The following LAMB1 variants were observed in gnomAD, a reference collection of about 807,000 sequenced individuals.
The protein encoded by LAMB1 is laminin subunit beta-1.
A neutral mutation model predicts 222.3 loss-of-function variants in LAMB1; 121 were observed. That is an observed-to-expected ratio of 0.54 (90% confidence interval 0.47 to 0.63). LAMB1 has a LOEUF of 0.63. Ranked by LOEUF, LAMB1 falls within the 30% of genes least tolerant of loss-of-function variation. The probability of loss-of-function intolerance (pLI) is 0.00; values close to 1 mark genes in which losing one functional copy is unlikely to be tolerated. For missense variants in LAMB1, 2,172 were observed against 2,240.8 expected, an observed-to-expected ratio of 0.97 and a Z score of 0.62; for synonymous variants, 794 against 807.2, an observed-to-expected ratio of 0.98 and a Z score of 0.28.
At chr7:107,973,624 T>C (rs1282543087) in intron 12 of LAMB1, among the ~76,000 whole-genome samples, 1 of 152,154 alleles carries the variant, frequency 6.6e-6, no homozygotes, top group African/African-American at 2.4e-5. Context: ...AAAATGAGTA[T>C]ATAAAAACAG....
At chr7:107,967,760 A>T (rs1199453874) in intron 13 of LAMB1, among the ~76,000 whole-genome samples, 1 of 152,202 alleles carries the variant, frequency 6.6e-6, no homozygotes, top group African/African-American at 2.4e-5. Context: ...AAAGAGAAAT[A>T]GAAAAAAAAA....
Position 107,973,015 on chromosome 7 carries a change from G to A in LAMB1, c.1539C>T (p.Asp513=), listed in dbSNP as rs1584519817. Residue 513 remains aspartate, a synonymous_variant, in exon 13 of 34, where the codon GAC becomes GAT. Coordinates refer to ENST00000222399, the MANE Select transcript of LAMB1 (RefSeq NM_002291.3). ...DLDGCRPCDC[D]LGGALNNSCF... ...ACCTGTTGTTTAAGGCTCCCCCAAG[G>A]TCACAGTCACATGGTCGACATCCAT... The A allele has an allele frequency of 5.0e-6, 8 of 1,613,884 alleles. No homozygotes were observed. The highest frequency in any genetic ancestry group is 6.8e-6 in the Non-Finnish European group (8 of 1,179,792).
chr7:107,986,045 T>A lies in LAMB1; in HGVS notation c.653A>T (p.Asp218Val). ...ACTCTGTATCCTTGGGCTATAAGGA[T>A]CTTCTATTTTGAAAGCAGGATCTAA... is the stretch of plus-strand genomic sequence containing the variant. ...RALDPAFKIEDPYSPRIQNLL... is the reference protein window; with the variant it reads ...RALDPAFKIEVPYSPRIQNLL... Residue 218 changes from aspartate (D) to valine (V), a missense_variant, in exon 7 of 34, where the codon GAT becomes GTT. Transcript: ENST00000222399. The A allele has an allele frequency of 1.2e-6, 2 of 1,611,338 alleles. No homozygotes were observed. Among genetic ancestry groups the A allele is most frequent in the Non-Finnish European group, 1.7e-6 (2 of 1,177,438 alleles).
intron 13 of LAMB1, among the ~76,000 whole-genome samples, chr7:107,970,525 C>T (rs1344633671): frequency 1.4e-5 from 2 of 147,768 alleles, no homozygotes; most frequent in Non-Finnish European, 3.0e-5. Context: ...GGGCTTCAAG[C>T]CAGATATGAA....
At position 107,959,475 on chromosome 7, in the gene LAMB1, C is replaced by A; in HGVS notation, c.2464G>T (p.Glu822Ter). 6.2e-7 allele frequency: 1 copy of A among 1,614,028 alleles called. No individual in the cohort carries two copies. Among genetic ancestry groups the A allele is most frequent in the Non-Finnish European group, 8.5e-7 (1 of 1,179,970 alleles). The change falls in exon 20 of 34, where the codon GAG (glutamate) becomes TAG (stop). Residue 822 changes from glutamate (E) to a stop codon, truncating the protein, a stop_gained. Transcript: ENST00000222399. LOFTEE classifies it high-confidence loss of function. Reference protein sequence around the residue: ...GFGPSGCKPCECHLQGSVNAF... With the variant: ...GFGPSGCKPC ...TTGACAGATCCTTGCAGATGGCACT[C>A]ACAAGCTAAAGAAACAGGCAAACAA...
chr7:107,973,835 G>C (rs1005129322), intron 12 of LAMB1, among the ~76,000 whole-genome samples: 1 of 152,124 alleles, frequency 6.6e-6, no homozygotes, highest in Non-Finnish European at 1.5e-5. Context: ...TTTTAGTAGA[G>C]ATGGCGTTTC....
rs1057093986 is a variant in LAMB1, at chr7:107,985,940, A to G, written c.676+82T>C. ...CCATTGCACTCCAGCCTGGGCAACA[A>G]GAGCGGAACTCTGTCTCAAAAAACA... On this transcript the variant is annotated intron_variant, in intron 7 of 33. Coordinates refer to ENST00000222399, the MANE Select transcript of LAMB1 (RefSeq NM_002291.3). 4 of 1,091,362 alleles carry G rather than the reference A, an allele frequency of 3.7e-6. No individual in the cohort carries two copies. The African/African-American group carries it at 6.3e-5, about 17-fold the overall frequency. 67.6% of individuals were successfully genotyped at this position (1,091,362 alleles called of 1,614,324 possible).
intron 7 of LAMB1, among the ~76,000 whole-genome samples, chr7:107,983,201 G>GA (rs1372050823): frequency 1.3e-5 from 2 of 152,184 alleles, no homozygotes; most frequent in African/African-American, 4.8e-5. Context: ...TTTAAATGGG[G>GA]AAGCAGCATT....
chr7:107,974,878 C>T, intron 12 of LAMB1, 108 bp downstream of exon 12: 3 of 683,680 alleles, frequency 4.4e-6, no homozygotes, highest in Non-Finnish European at 7.9e-6. Context: ...TGTCTTTTAA[C>T]ACGTACACGT....
chr7:107,928,586 C>G (rs957568842), intron 31 of LAMB1, among the ~76,000 whole-genome samples: 1 of 151,910 alleles, frequency 6.6e-6, no homozygotes, highest in South Asian at 2.1e-4. Context: ...TCGACCTCCC[C>G]GGTTCAAGCA....
chr7:108,001,530 A>G (rs372266745), intron 3 of LAMB1, 28 bp downstream of exon 3: 2 of 1,558,096 alleles, frequency 1.3e-6, no homozygotes, highest in Non-Finnish European at 1.7e-6. Context: ...GCGCTAGCAG[A>G]GCCTCGAACC....
chr7:107,974,593 G>T (rs565045363), intron 12 of LAMB1, among the ~76,000 whole-genome samples: 1 of 152,134 alleles, frequency 6.6e-6, no homozygotes, highest in Non-Finnish European at 1.5e-5. Context: ...GGGTTACTGG[G>T]TCAAAGGGTA....
intron 24 of LAMB1, among the ~76,000 whole-genome samples, chr7:107,941,132 C>G (rs969813067): frequency 3.3e-5 from 5 of 152,144 alleles, no homozygotes; most frequent in Non-Finnish European, 7.3e-5. Context: ...GGGTTGGCAC[C>G]TCATGCAAAG....
At position 107,978,171 on chromosome 7, in the gene LAMB1, G is replaced by C; in HGVS notation, c.880-4C>G. The C allele has an allele frequency of 6.2e-7, 1 of 1,613,314 alleles. No homozygotes were observed. Among genetic ancestry groups the C allele is most frequent in the Non-Finnish European group, 8.5e-7 (1 of 1,179,618 alleles). ...TGCACATGCAGTGTCCGTGAACCTT[G>C]AAAGTTATAAAAACAGGAGAGAACA... On this transcript the variant is annotated splice_polypyrimidine_tract_variant and splice_region_variant and intron_variant, in intron 8 of 33. Coordinates refer to ENST00000222399, the MANE Select transcript of LAMB1 (RefSeq NM_002291.3).
At chr7:108,002,266 C>A (rs1345220430) in intron 2 of LAMB1, 1 of 1,310,242 alleles carries the variant, frequency 7.6e-7, no homozygotes, top group East Asian at 5.3e-5. Context: ...GGGGACGAGG[C>A]GCCGGGGCTC....
intron 12 of LAMB1, among the ~76,000 whole-genome samples, chr7:107,974,125 G>A (rs1313522314): frequency 6.6e-6 from 1 of 152,018 alleles, no homozygotes; most frequent in East Asian, 1.9e-4. Flanking sequence ...AATATATTAA[G>A]ATTATATATA....
At position 107,932,210 on chromosome 7, in the gene LAMB1, C is replaced by T. The variant is rs2032727591; in HGVS notation, c.4356G>A (p.Leu1452=). The change falls in exon 28 of 34, where the codon CTG becomes CTA. Residue 1452 remains leucine (L), a synonymous_variant. Transcript: ENST00000222399. ...GCTGTTCCACTTCAGCCAGGGCACT[C>T]AGGACATCTTGGTCCAAGTCCATGG... The part of the protein sequence containing the change: ...QKAMDLDQDV[L]SALAEVEQLS... The T allele has an allele frequency of 3.7e-6, 6 of 1,614,250 alleles. No homozygotes were observed. Among genetic ancestry groups the T allele is most frequent in the Non-Finnish European group, 5.1e-6 (6 of 1,180,054 alleles).
At chr7:107,966,206 A>G (rs2033632835) in intron 13 of LAMB1, among the ~76,000 whole-genome samples, 2 of 151,890 alleles carry the variant, frequency 1.3e-5, no homozygotes, top group Non-Finnish European at 2.9e-5. Flanking sequence ...AACTCTTTTT[A>G]TTATTATTAT....
At chr7:107,996,221 A>G (rs1408900819) in intron 4 of LAMB1, among the ~76,000 whole-genome samples, 1 of 152,206 alleles carries the variant, frequency 6.6e-6, no homozygotes, top group Admixed American at 6.5e-5. Flanking sequence ...TCTGTAACCT[A>G]AGAACATATG....
Sources: gnomAD v4.1 joint callset for allele counts (sites outside exome capture counted in the v4.1 genomes callset) on GRCh38, gnomAD v4.1.1 for gene constraint, MANE v1.5 for transcripts, NCBI Gene and HGNC (gene_info 2026-07-23, HGNC 2026-07-21) for gene names.